The following MINDY3 variants were observed in gnomAD, a reference collection of about 807,000 sequenced individuals.
MINDY3 encodes the protein ubiquitin carboxyl-terminal hydrolase MINDY-3.
In MINDY3, 38 loss-of-function variants were observed where a neutral mutation model predicts 69.2. The ratio of observed to expected loss-of-function variants is 0.55; its 90% CI spans 0.42 to 0.72. The LOEUF is 0.72. MINDY3 is among the 30% of genes least tolerant of loss of function. The pLI, the probability that MINDY3 is intolerant of heterozygous loss-of-function variation, is 0.00. For missense variants in MINDY3, 522 were observed against 519.0 expected (o/e 1.01, Z -0.06); for synonymous variants, 192 against 180.1 (o/e 1.07, Z -0.53).
Position 15,831,595 on chromosome 10 carries a change from G to A in MINDY3, c.730+2035C>T, listed in dbSNP as rs117386416. Among the ~76,000 whole-genome samples the A allele has an allele frequency of 9.3e-3, 1,402 of 151,496 alleles. 7 individuals are homozygous for A. The highest frequency in any genetic ancestry group is 0.014 in the Non-Finnish European group (983 of 67,944). ...GACATATGTGTACATCTCAAGAACC[G>A]AAACTGATAATTGACTAATATATTC... On this transcript the variant is annotated intron_variant, in intron 8 of 14. Transcript: ENST00000277632.
At chr10:15,835,239 A>G (rs1316017541) in intron 6 of MINDY3, among the ~76,000 whole-genome samples, 1 of 152,102 alleles carries the variant, frequency 6.6e-6, no homozygotes, top group East Asian at 1.9e-4. Flanking sequence ...TCAACTCCCA[A>G]AAGTTCTACA....
At chr10:15,824,465 G>A (rs2132016467) in intron 8 of MINDY3, among the ~76,000 whole-genome samples, 1 of 152,108 alleles carries the variant, frequency 6.6e-6, no homozygotes, top group East Asian at 1.9e-4. Context: ...TTGATTATTT[G>A]CTTTGGGATC....
intron 10 of MINDY3, among the ~76,000 whole-genome samples, chr10:15,799,754 G>A (rs1838121736): frequency 6.6e-6 from 1 of 152,074 alleles, no homozygotes; most frequent in Non-Finnish European, 1.5e-5. Flanking sequence ...AATGAGCTTT[G>A]ACAGAAGAAT....
Position 15,801,278 on chromosome 10 carries a change from C to T in MINDY3, c.883-5106G>A, listed in dbSNP as rs141675097. 5.2e-4 allele frequency among the ~76,000 whole-genome samples: 79 copies of T among 152,238 alleles called. 3 individuals carry two copies. The East Asian group carries it at 0.015, about 29-fold the overall frequency. ...AAAAGGCTACTGTTTTATGCACATG[C>T]AGTCAGGGTGATGACCAGGACTGCC... On this transcript the variant is annotated intron_variant, in intron 10 of 14. Transcript: ENST00000277632.
intron 10 of MINDY3, among the ~76,000 whole-genome samples, chr10:15,814,601 T>C (rs1291841685): frequency 6.6e-6 from 1 of 151,992 alleles, no homozygotes; most frequent in Non-Finnish European, 1.5e-5. Flanking sequence ...TAACTCCATG[T>C]CTCTAATTCA....
chr10:15,854,356 AC>A (rs1834541407), intron 1 of MINDY3, among the ~76,000 whole-genome samples: 1 of 152,070 alleles, frequency 6.6e-6, no homozygotes, highest in African/African-American at 2.4e-5. Flanking sequence ...ATATATTGCC[AC>A]AGACTGGAGA....
intron 1 of MINDY3, among the ~76,000 whole-genome samples, chr10:15,859,791 T>A (rs527952837): frequency 5.3e-5 from 8 of 152,308 alleles, no homozygotes; most frequent in African/African-American, 1.9e-4. Context: ...TGGACGTCCC[T>A]CCTTCTCACC....
chr10:15,787,833 G>A (rs940545952), intron 12 of MINDY3, among the ~76,000 whole-genome samples: 14 of 152,044 alleles, frequency 9.2e-5, no homozygotes, highest in African/African-American at 3.4e-4. Context: ...ACAAATGAAG[G>A]CAGGGTCATT....
intron 10 of MINDY3, among the ~76,000 whole-genome samples, chr10:15,802,424 G>C (rs79890493): frequency 0.019 from 2,886 of 152,230 alleles, 38 homozygotes; most frequent in Non-Finnish European, 0.029. Context: ...GCAGGGGAGA[G>C]AGCATGCAGG....
Position 15,821,827 on chromosome 10 carries a change from C to T in MINDY3, c.731-101G>A. 4 of 880,004 alleles carry T rather than the reference C, an allele frequency of 4.5e-6. No homozygotes were observed. The South Asian group carries it at 5.4e-5, about 12-fold the overall frequency. The allele number at this position is 880,004 out of a possible 1,614,324, so 54.5% of individuals were successfully genotyped here. A position where few individuals can be genotyped will look rare whatever the true frequency, so the allele number is the denominator to read the frequency against. On this transcript the variant is annotated intron_variant, in intron 8 of 14. Coordinates refer to ENST00000277632, the MANE Select transcript of MINDY3 (RefSeq NM_024948.4). ...ATATGTATATATATTTATACTACAC[C>T]AAAACTTTTAACTTTTACCCAAAAC... is the stretch of plus-strand genomic sequence containing the variant.
At chr10:15,800,432 T>C (rs1031165790) in intron 10 of MINDY3, among the ~76,000 whole-genome samples, 5 of 152,258 alleles carry the variant, frequency 3.3e-5, no homozygotes, top group Admixed American at 6.5e-5. Context: ...CCTGATGCTA[T>C]TGTGGTGAGC....
intron 12 of MINDY3, among the ~76,000 whole-genome samples, chr10:15,787,660 G>C (rs1320986638): frequency 6.6e-6 from 1 of 152,080 alleles, no homozygotes; most frequent in South Asian, 2.1e-4. Context: ...CATCTCTCCC[G>C]GAAACACCTG....
At chr10:15,858,636 C>G (rs1039670850) in intron 1 of MINDY3, among the ~76,000 whole-genome samples, 1 of 152,138 alleles carries the variant, frequency 6.6e-6, no homozygotes, top group African/African-American at 2.4e-5. Context: ...ATCACATGAA[C>G]CTGAACCAAG....
chr10:15,837,999 A>C (rs72781882), intron 5 of MINDY3: 74,840 of 977,790 alleles, frequency 0.077, 3,131 homozygotes, highest in Non-Finnish European at 0.084. Context: ...AAAGCTTTTT[A>C]ATGTTTTTGA....
At chr10:15,827,899 T>C (rs1190513658) in intron 8 of MINDY3, among the ~76,000 whole-genome samples, 1 of 152,192 alleles carries the variant, frequency 6.6e-6, no homozygotes. Flanking sequence ...TGGACAATTC[T>C]AAGTGTCAGG....
In MINDY3 at chr10:15,779,108, C is replaced by T. The variant is rs754375437; in HGVS notation, c.1222G>A (p.Gly408Ser). 8 of 1,613,510 alleles carry T rather than the reference C, an allele frequency of 5.0e-6. No homozygotes were observed. In the South Asian group the frequency reaches 8.8e-5, roughly 18 times the overall value. ...MYVEGTAVVM[G>S]FEDPMLQTDD... is the part of the protein sequence containing the mutation. ...GTCTGTAGCATGGGATCTTCAAAAC[C>T]CATCACAACTGCAGTCCCTTCTACG... Residue 408 changes from glycine (G) to serine (S), a missense_variant, in exon 15 of 15, where the codon GGT becomes AGT. Transcript: ENST00000277632.
intron 1 of MINDY3, among the ~76,000 whole-genome samples, chr10:15,852,465 A>G (rs1215252347): frequency 6.6e-6 from 1 of 152,168 alleles, no homozygotes; most frequent in Non-Finnish European, 1.5e-5. Flanking sequence ...GAGAACTTGT[A>G]AAACAAAAAT....
rs1448089539 is a variant in MINDY3, at chr10:15,821,741, A to G, written c.731-15T>C. ...ACCAAGAAGTTCTGCAAAAAACAAC[A>G]ACAACAACAAAAAACGAAAACTTAG... On this transcript the variant is annotated splice_polypyrimidine_tract_variant and intron_variant, in intron 8 of 14. Coordinates refer to ENST00000277632, the MANE Select transcript of MINDY3 (RefSeq NM_024948.4). The G allele has an allele frequency of 6.2e-6, 10 of 1,607,324 alleles. No homozygotes were observed. The highest frequency in any genetic ancestry group is 2.2e-5 in the East Asian group (1 of 44,760).
At chr10:15,827,141 G>A (rs2132027332) in intron 8 of MINDY3, among the ~76,000 whole-genome samples, 1 of 144,284 alleles carries the variant, frequency 6.9e-6, no homozygotes, top group African/African-American at 2.6e-5. Flanking sequence ...AAAAAATCTG[G>A]GGGTGGGAGA....
Sources: gnomAD v4.1 joint callset for allele counts (sites outside exome capture counted in the v4.1 genomes callset) on GRCh38, gnomAD v4.1.1 for gene constraint, MANE v1.5 for transcripts, NCBI Gene and HGNC (gene_info 2026-07-23, HGNC 2026-07-21) for gene names.